Variants in GRK2 observed in about 807,000 individuals in gnomAD.
GRK2 encodes G protein-coupled receptor kinase 2.
In GRK2, 23 loss-of-function variants were observed where a neutral mutation model predicts 97.8. The observed-to-expected ratio is 0.24, with a 90% CI of 0.17 to 0.33. The LOEUF is 0.33. GRK2 is among the 10% of genes least tolerant of loss of function. The pLI is 1.00. For missense variants in GRK2, 633 were observed against 956.9 expected (o/e 0.66, Z 4.47); for synonymous variants, 425 against 381.7 (o/e 1.11, Z -1.32).
In GRK2 at chr11:67,266,673, GC is replaced by G; in HGVS notation, c.-26del. The G allele has an allele frequency of 9.2e-7, 1 of 1,083,004 alleles. No homozygotes were observed. The highest frequency in any genetic ancestry group is 1.1e-6 in the Non-Finnish European group (1 of 875,550). The allele number at this position is 1,083,004 out of a possible 1,614,324, so 67.1% of individuals were successfully genotyped here. A position where few individuals can be genotyped will look rare whatever the true frequency, so the allele number is the denominator to read the frequency against. ...AGGAGCGGCGGCGGCGGCGGCGGCGGCGGGAGGAGGCAGCGCCGCCGCCAAG... is the reference window on the plus strand; with the variant it reads ...AGGAGCGGCGGCGGCGGCGGCGGCGGGGGAGGAGGCAGCGCCGCCGCCAAG... On this transcript the variant is annotated 5_prime_UTR_variant, in exon 1 of 21. Coordinates refer to ENST00000308595, the MANE Select transcript of GRK2 (RefSeq NM_001619.5).
intron 17 of GRK2, 78 bp downstream of exon 17, chr11:67,284,027 C>A: frequency 7.0e-7 from 1 of 1,429,298 alleles, no homozygotes. Context: ...TTCTTATCAC[C>A]TGTGAGACCC....
chr11:67,269,180 G>A lies in GRK2; in HGVS notation c.113+2368G>A, dbSNP rs534707231. 1.3e-5 allele frequency among the ~76,000 whole-genome samples: 2 copies of A among 152,140 alleles called. No individual in the cohort carries two copies. Among genetic ancestry groups the A allele is most frequent in the Admixed American group, 6.5e-5 (1 of 15,292 alleles). ...CACACCCAGTGGGGCAGAGCACGCC[G>A]CCCCCCGCCCCCCGCCGCCCCAGTG... On this transcript the variant is annotated intron_variant, in intron 1 of 20. Transcript: ENST00000308595. The surrounding 1 kb of genome is among the most constrained non-coding windows in gnomAD (Gnocchi z 4.1).
Position 67,282,930 on chromosome 11 carries a change from T to C in GRK2, c.1227+112T>C, listed in dbSNP as rs979949334. 7.8e-6 allele frequency: 10 copies of C among 1,277,144 alleles called. No homozygotes were observed. The African/African-American group carries it at 1.5e-4, about 19-fold the overall frequency. 79.1% of individuals were successfully genotyped at this position (1,277,144 alleles called of 1,614,324 possible). On this transcript the variant is annotated intron_variant, in intron 14 of 20. Transcript: ENST00000308595. The surrounding 1 kb of genome is among the most constrained non-coding windows in gnomAD (Gnocchi z 6.9). Reference sequence around the variant, plus strand: ...AGCAGAGATCTGGGCCACTGACCCCTACTCTGGCCTCTGAGACAGACCTCC... The same window carrying C: ...AGCAGAGATCTGGGCCACTGACCCCCACTCTGGCCTCTGAGACAGACCTCC...
intron 19 of GRK2, 23 bp downstream of exon 19, chr11:67,285,006 C>G (rs779490447): frequency 6.2e-7 from 1 of 1,612,152 alleles, no homozygotes; most frequent in Middle Eastern, 1.7e-4. Context: ...TGCGGGGGTC[C>G]GGGAGCCGGG....
chr11:67,281,585 T>C lies in GRK2; in HGVS notation c.747+27T>C. On this transcript the variant is annotated intron_variant, in intron 9 of 20. Transcript: ENST00000308595. This position sits in a 1 kb window ranked among gnomAD's most constrained non-coding sequence, Gnocchi z 5.7. ...TGAGCTGGGTGGGCCGGGCTGCCGC[T>C]GAGGCTCTGGAACCCCGGGCGCCCC... The C allele has an allele frequency of 6.2e-7, 1 of 1,611,320 alleles. No homozygotes were observed. The highest frequency in any genetic ancestry group is 8.5e-7 in the Non-Finnish European group (1 of 1,178,300).
At chr11:67,274,524 C>CTTTTTTTTTTTTTTT (rs1590848179) in intron 1 of GRK2, among the ~76,000 whole-genome samples, 474 of 54,942 alleles carry the variant, frequency 8.6e-3, no homozygotes, top group Middle Eastern at 0.033. Flanking sequence ...TTTTTTTTTG[C>CTTTTTTTTTTTTTTT]TTTTTTTCAT....
At chr11:67,277,707 GC>G (rs1860063640) in intron 2 of GRK2, among the ~76,000 whole-genome samples, 1 of 152,226 alleles carries the variant, frequency 6.6e-6, no homozygotes, top group African/African-American at 2.4e-5. Context: ...TTCCTGTGGC[GC>G]CTGCCGAGCT....
At position 67,266,767 on chromosome 11, in the gene GRK2, C is replaced by G. The variant is rs1233371776; in HGVS notation, c.68C>G (p.Thr23Arg). The G allele has an allele frequency of 7.3e-7, 1 of 1,374,350 alleles. No individual in the cohort carries two copies. The highest frequency in any genetic ancestry group is 1.5e-5 in the African/African-American group (1 of 66,494). The allele number at this position is 1,374,350 out of a possible 1,614,324, so 85.1% of individuals were successfully genotyped here. A position where few individuals can be genotyped will look rare whatever the true frequency, so the allele number is the denominator to read the frequency against. The change falls in exon 1 of 21, where the codon ACG (threonine) becomes AGG (arginine). Residue 23 changes from threonine (T) to arginine (R), a missense_variant. Physicochemically the swap from Thr to Arg is moderately conservative, Grantham distance 71 (BLOSUM62 -1). Around this residue, in one of 4 missense-constraint regions of GRK2, gnomAD observed 193 missense variants for 212.2 expected, o/e 0.91. Coordinates refer to ENST00000308595, the MANE Select transcript of GRK2 (RefSeq NM_001619.5). ...ATGGCCATGGAGAAGAGCAAGGCCACGCCGGCCGCGCGCGCCAGCAAGAAG... is the reference window on the plus strand; with the variant it reads ...ATGGCCATGGAGAAGAGCAAGGCCAGGCCGGCCGCGCGCGCCAGCAAGAAG... ...YLMAMEKSKA[T>R]PAARASKKIL...
chr11:67,280,689 C>T (rs745926787), intron 6 of GRK2, 43 bp from the exon 7 acceptor site: 2 of 1,612,926 alleles, frequency 1.2e-6, no homozygotes, highest in South Asian at 2.2e-5. Context: ...ATCATCCTTC[C>T]CACATTCTGA....
chr11:67,284,524 C>G, intron 18 of GRK2, 151 bp downstream of exon 18: 2 of 940,048 alleles, frequency 2.1e-6, no homozygotes, highest in South Asian at 1.7e-5. Context: ...GTGGCTCACG[C>G]CTGTAATCCC....
At position 67,266,804 on chromosome 11, in the gene GRK2, C is replaced by T. The variant is rs1231021871; in HGVS notation, c.105C>T (p.Pro35=). The change falls in exon 1 of 21, where the codon CCC becomes CCT. Residue 35 remains proline (P), a synonymous_variant. Transcript: ENST00000308595. ...AARASKKILL[P]EPSIRSVMQK... ...GCGCCAGCAAGAAGATCCTGCTGCCCGAGCCCAGGTGAGGAGAAGCTGCCC... is the reference window on the plus strand; with the variant it reads ...GCGCCAGCAAGAAGATCCTGCTGCCTGAGCCCAGGTGAGGAGAAGCTGCCC... 1 of 1,308,202 alleles carries T rather than the reference C, an allele frequency of 7.6e-7. No individual in the cohort carries two copies. The highest frequency in any genetic ancestry group is 9.8e-7 in the Non-Finnish European group (1 of 1,016,746). 81.0% of individuals were successfully genotyped at this position (1,308,202 alleles called of 1,614,324 possible).
chr11:67,283,238 C>T lies in GRK2; in HGVS notation c.1328+10C>T. 6.2e-7 allele frequency: 1 copy of T among 1,611,000 alleles called. No individual in the cohort carries two copies. Among genetic ancestry groups the T allele is most frequent in the Middle Eastern group, 1.7e-4 (1 of 6,058 alleles). On this transcript the variant is annotated intron_variant, in intron 15 of 20. Transcript: ENST00000308595. ...GCTGCCTGGGCCGAGGGTGAGTACCCTGGCGCCTTGGGCATGCTGCTGGCT... is the reference window on the plus strand; with the variant it reads ...GCTGCCTGGGCCGAGGGTGAGTACCTTGGCGCCTTGGGCATGCTGCTGGCT...
chr11:67,282,169 T>A lies in GRK2; in HGVS notation c.958-102T>A, dbSNP rs924342601. 2.8e-5 allele frequency: 36 copies of A among 1,289,880 alleles called. No individual in the cohort carries two copies. Among genetic ancestry groups the A allele is most frequent in the Non-Finnish European group, 3.5e-5 (32 of 911,504 alleles). 79.9% of individuals were successfully genotyped at this position (1,289,880 alleles called of 1,614,324 possible). Reference sequence around the variant, plus strand: ...CCCCCACCTTTGCCCTTTCTTTGGGTACCCATCGTCCTCTCCAGTGAAGCA... The same window carrying A: ...CCCCCACCTTTGCCCTTTCTTTGGGAACCCATCGTCCTCTCCAGTGAAGCA... On this transcript the variant is annotated intron_variant, in intron 11 of 20. Coordinates refer to ENST00000308595, the MANE Select transcript of GRK2 (RefSeq NM_001619.5). The surrounding 1 kb of genome is among the most constrained non-coding windows in gnomAD (Gnocchi z 6.9).
At chr11:67,271,887 G>T (rs1859916099) in intron 1 of GRK2, among the ~76,000 whole-genome samples, 2 of 152,202 alleles carry the variant, frequency 1.3e-5, no homozygotes, top group African/African-American at 2.4e-5. Context: ...TGGCACCTTG[G>T]TGTCTGGTTT....
At position 67,279,869 on chromosome 11, in the gene GRK2, C is replaced by T; in HGVS notation, c.472C>T (p.Arg158Ter). The T allele has an allele frequency of 1.2e-6, 2 of 1,613,926 alleles. No individual in the cohort carries two copies. Among genetic ancestry groups the T allele is most frequent in the Non-Finnish European group, 1.7e-6 (2 of 1,179,994 alleles). The change falls in exon 6 of 21, where the codon CGA becomes TGA. Residue 158 changes from arginine to a stop codon, truncating the protein, a stop_gained. Coordinates refer to ENST00000308595, the MANE Select transcript of GRK2 (RefSeq NM_001619.5). LOFTEE classifies it high-confidence loss of function. ...PYIEEICQNL[R>*]GDVFQKFIES... Reference sequence around the variant, plus strand: ...CATCGAAGAGATTTGTCAAAACCTCCGAGGGGACGTGTTCCAGAAATTCAT... The same window carrying T: ...CATCGAAGAGATTTGTCAAAACCTCTGAGGGGACGTGTTCCAGAAATTCAT...
intron 1 of GRK2, among the ~76,000 whole-genome samples, chr11:67,273,923 C>G (rs1438542444): frequency 6.6e-6 from 1 of 152,004 alleles, no homozygotes. Context: ...CATGCTTCCC[C>G]CTTGGAGACT....
At chr11:67,275,168 G>A (rs1382097411) in intron 1 of GRK2, among the ~76,000 whole-genome samples, 2 of 152,178 alleles carry the variant, frequency 1.3e-5, no homozygotes, top group African/African-American at 2.4e-5. Flanking sequence ...TATCTCGCTC[G>A]GCCTTTCCTG....
At chr11:67,270,512 C>T (rs938524868) in intron 1 of GRK2, among the ~76,000 whole-genome samples, 4 of 152,178 alleles carry the variant, frequency 2.6e-5, no homozygotes, top group Admixed American at 1.3e-4. Context: ...TTCCTGCCCT[C>T]GATTTGTGGG....
chr11:67,271,005 C>T (rs937022497), intron 1 of GRK2: 7 of 152,244 alleles, frequency 4.6e-5, no homozygotes, highest in African/African-American at 1.7e-4. Context: ...TAGGTTGCAC[C>T]CAGGTGGGCT....
Sources: gnomAD v4.1 joint callset for allele counts (sites outside exome capture counted in the v4.1 genomes callset) on GRCh38, gnomAD v4.1.1 for gene constraint, gnomAD v4.1.1 regional missense constraint, Gnocchi (gnomAD v3.1) non-coding constraint, MANE v1.5 for transcripts, NCBI Gene and HGNC (gene_info 2026-07-23, HGNC 2026-07-21) for gene names.